RIOK2: variants seen among roughly 807,000 people sequenced by gnomAD.
RIOK2 encodes RIO kinase 2.
A neutral mutation model predicts 62.4 loss-of-function variants in RIOK2; 46 were observed. The observed-to-expected ratio is 0.74, with a 90% confidence interval of 0.58 to 0.94. The LOEUF (loss-of-function observed/expected upper bound fraction) is 0.94, where lower values mean the gene tolerates loss of function less well. Among genes scored for constraint, RIOK2 ranks in the 40% least tolerant of loss-of-function variants. RIOK2 has a pLI of 0.00. For synonymous variants in RIOK2, 197 were observed against 216.0 expected, an observed-to-expected ratio of 0.91 and a Z score of 0.77; for missense variants, 574 against 658.0, an observed-to-expected ratio of 0.87 and a Z score of 1.40.
intron 5 of RIOK2, among the ~76,000 whole-genome samples, chr5:97,171,798 C>T (rs565249914): frequency 6.6e-6 from 1 of 152,248 alleles, no homozygotes; most frequent in African/African-American, 2.4e-5. Flanking sequence ...TAAACAAACA[C>T]ACCCACATCC....
chr5:97,167,536 T>C lies in RIOK2; in HGVS notation c.1328A>G (p.Asp443Gly). 6.2e-7 allele frequency: 1 copy of C among 1,614,188 alleles called. No homozygotes were observed. The highest frequency in any genetic ancestry group is 2.2e-5 in the East Asian group (1 of 44,866). Residue 443 changes from aspartate (D) to glycine (G), a missense_variant, in exon 8 of 10, where the codon GAC becomes GGC. Asp to Gly is a moderately conservative substitution (Grantham distance 94). Coordinates refer to ENST00000283109, the MANE Select transcript of RIOK2 (RefSeq NM_018343.3). Reference sequence around the variant, plus strand: ...ATGAGGGCATTCATCTTCATACTCGTCAGAGCCAGCAGGGACTCCTCCTTG... The same window carrying C: ...ATGAGGGCATTCATCTTCATACTCGCCAGAGCCAGCAGGGACTCCTCCTTG... ...RVQGGVPAGS[D>G]EYEDECPHLI...
chr5:97,168,904 C>A, intron 6 of RIOK2, 52 bp from the exon 7 acceptor site: 3 of 1,096,842 alleles, frequency 2.7e-6, no homozygotes, highest in Non-Finnish European at 3.9e-6. Context: ...CCTCTTTTTC[C>A]TTATTAGCCA....
At position 97,183,227 on chromosome 5, in the gene RIOK2, G is replaced by T. The variant is rs113868216; in HGVS notation, c.-36C>A. On this transcript the variant is annotated 5_prime_UTR_variant, in exon 1 of 10. Coordinates refer to ENST00000283109, the MANE Select transcript of RIOK2 (RefSeq NM_018343.3). ...GTCCGAACCCAGATGCCTCTCCGACGACAGCCGCAAAGCGTAAGGCAGGTC... is the reference window on the plus strand; with the variant it reads ...GTCCGAACCCAGATGCCTCTCCGACTACAGCCGCAAAGCGTAAGGCAGGTC... 1.5e-5 allele frequency: 24 copies of T among 1,610,618 alleles called. No individual in the cohort carries two copies. Among genetic ancestry groups the T allele is most frequent in the Non-Finnish European group, 1.9e-5 (22 of 1,176,992 alleles).
intron 9 of RIOK2, among the ~76,000 whole-genome samples, chr5:97,164,706 T>C (rs1748799435): frequency 6.6e-6 from 1 of 152,160 alleles, no homozygotes; most frequent in Admixed American, 6.5e-5. Flanking sequence ...CTACATTAAT[T>C]TTTTGAAACT....
chr5:97,178,846 G>T (rs1398862184), intron 2 of RIOK2: 2 of 614,646 alleles, frequency 3.3e-6, no homozygotes, highest in Non-Finnish European at 5.7e-6. Context: ...GTACCTACAT[G>T]TTCTTACTAC....
intron 1 of RIOK2, 92 bp downstream of exon 1, chr5:97,183,034 T>C (rs777207305): frequency 2.4e-5 from 32 of 1,327,502 alleles, no homozygotes; most frequent in Non-Finnish European, 3.4e-5. Context: ...GGTCCCAGAG[T>C]GTGCCTGCTC....
Position 97,171,354 on chromosome 5 carries a change from C to T in RIOK2, c.631G>A (p.Glu211Lys), listed in dbSNP as rs1440441118. 6.9e-6 allele frequency: 11 copies of T among 1,583,340 alleles called. No individual in the cohort carries two copies. Among genetic ancestry groups the T allele is most frequent in the Non-Finnish European group, 9.4e-6 (11 of 1,166,210 alleles). The part of the protein sequence containing the change: ...HVEDPASVYD[E>K]AMELIVKLAN... ...AGTTTGACAATTAGTTCCATAGCTT[C>T]ATCATATACTGATGCAGGATCTTCA... Residue 211 changes from glutamate to lysine, a missense_variant, in exon 6 of 10, where the codon GAA (glutamate) becomes AAA (lysine). Transcript: ENST00000283109.
intron 9 of RIOK2, among the ~76,000 whole-genome samples, chr5:97,164,457 T>C (rs1392169713): frequency 6.6e-6 from 1 of 151,718 alleles, no homozygotes; most frequent in Non-Finnish European, 1.5e-5. Context: ...GCTGAGATCA[T>C]GCCACTGCAC....
chr5:97,180,855 T>C (rs927029532), intron 1 of RIOK2, among the ~76,000 whole-genome samples: 2 of 151,694 alleles, frequency 1.3e-5, no homozygotes, highest in Non-Finnish European at 2.9e-5. Flanking sequence ...CAATTGGAAG[T>C]GATGAGGAAA....
intron 2 of RIOK2, among the ~76,000 whole-genome samples, chr5:97,178,317 T>TATGCTCTTCTGTAGTACCTAC (rs1561520897): frequency 6.8e-6 from 1 of 147,440 alleles, no homozygotes; most frequent in Non-Finnish European, 1.5e-5. Context: ...CTTTATCCTA[T>TATGCTCTTCTGTAGTACCTAC]ATGCTCTTCT....
At chr5:97,180,603 G>C (rs1044199142) in intron 1 of RIOK2, among the ~76,000 whole-genome samples, 3 of 152,136 alleles carry the variant, frequency 2.0e-5, no homozygotes, top group African/African-American at 7.2e-5. Context: ...TTAGGCGTGG[G>C]AGACACACGA....
intron 9 of RIOK2, among the ~76,000 whole-genome samples, chr5:97,164,097 G>T (rs371561851): frequency 1.2e-4 from 18 of 152,142 alleles, no homozygotes; most frequent in African/African-American, 4.3e-4. Context: ...TTGCTATGTT[G>T]CCCAGGCTGG....
At chr5:97,180,138 A>ATGTG (rs1201508761) in intron 1 of RIOK2, among the ~76,000 whole-genome samples, 4 of 34,922 alleles carry the variant, frequency 1.1e-4, no homozygotes, top group African/African-American at 2.9e-4. Context: ...ATATATATAT[A>ATGTG]TATGTATATA....
chr5:97,178,502 T>C (rs1749236567), intron 2 of RIOK2, among the ~76,000 whole-genome samples: 1 of 150,754 alleles, frequency 6.6e-6, no homozygotes, highest in Non-Finnish European at 1.5e-5. Context: ...TGCAGTGCTC[T>C]ACCTGCTCTT....
chr5:97,168,069 AAATTATGATTC>A (rs1748897485), intron 7 of RIOK2, 78 bp from the exon 8 acceptor site: 8 of 1,393,052 alleles, frequency 5.7e-6, no homozygotes, highest in Non-Finnish European at 7.6e-6. Flanking sequence ...CTACTCTGAT[AAATTATGATTC>A]AAGTGAGTTT....
intron 9 of RIOK2, 82 bp from the exon 10 acceptor site, chr5:97,163,307 T>C (rs536737788): frequency 3.3e-5 from 37 of 1,131,044 alleles, no homozygotes; most frequent in South Asian, 2.3e-4. Flanking sequence ...TATTTATATA[T>C]TGACACCATG....
chr5:97,163,899 C>CT (rs909474120), intron 9 of RIOK2, among the ~76,000 whole-genome samples: 69 of 146,284 alleles, frequency 4.7e-4, no homozygotes, highest in South Asian at 6.6e-4. Flanking sequence ...CAAGGGTCTT[C>CT]TTTTTTTTTT....
chr5:97,173,441 C>T (rs528184649), intron 4 of RIOK2, among the ~76,000 whole-genome samples, 178 bp from the exon 5 acceptor site: 1 of 152,180 alleles, frequency 6.6e-6, no homozygotes, highest in South Asian at 2.1e-4. Context: ...ATTAGCCACA[C>T]ATAAAAAGCA....
chr5:97,180,004 TTATATATATATA>T (rs1749312240), intron 1 of RIOK2, among the ~76,000 whole-genome samples: 3 of 36,726 alleles, frequency 8.2e-5, no homozygotes, highest in African/African-American at 2.7e-4. Flanking sequence ...TATATATATA[TTATATATATATA>T]ATATATATAT....
Sources: allele counts gnomAD v4.1 joint callset (sites outside exome capture counted in the v4.1 genomes callset), GRCh38; gene constraint gnomAD v4.1.1; transcripts MANE v1.5; gene names NCBI Gene and HGNC (gene_info 2026-07-23, HGNC 2026-07-21).